Variants in SERPINA5 observed in about 807,000 individuals in gnomAD.
SERPINA5 encodes the protein plasma serine protease inhibitor.
In SERPINA5, 25 loss-of-function variants were observed where a neutral mutation model predicts 25.3. The ratio of observed to expected loss-of-function variants is 0.99; its 90% CI spans 0.72 to 1.38. The LOEUF is 1.38. SERPINA5 is among the 40% of genes most tolerant of loss of function. The pLI, the probability that SERPINA5 is intolerant of heterozygous loss-of-function variation, is 0.00. For missense variants in SERPINA5, 599 were observed against 509.5 expected, an observed-to-expected ratio of 1.18 and a Z score of -1.69; for synonymous variants, 234 against 206.2, an observed-to-expected ratio of 1.14 and a Z score of -1.16.
In SERPINA5 at chr14:94,590,153, C is replaced by T. The variant is rs1489935303; in HGVS notation, c.732C>T (p.Tyr244=). ...PMMSREDQYH[Y]LLDRNLSCRV... ...TGAGCCGCGAGGATCAGTATCACTACCTCCTGGACCGGAACCTCTCCTGCA... is the reference window on the plus strand; with the variant it reads ...TGAGCCGCGAGGATCAGTATCACTATCTCCTGGACCGGAACCTCTCCTGCA... Residue 244 remains tyrosine (Y), a synonymous_variant, in exon 4 of 6, where the codon TAC becomes TAT. Coordinates refer to ENST00000329597, the MANE Select transcript of SERPINA5 (RefSeq NM_000624.6). 6.2e-7 allele frequency: 1 copy of T among 1,614,202 alleles called. No individual in the cohort carries two copies. Among genetic ancestry groups the T allele is most frequent in the Non-Finnish European group, 8.5e-7 (1 of 1,180,028 alleles).
Position 94,592,381 on chromosome 14 carries a change from T to C in SERPINA5, c.*142T>C. On this transcript the variant is annotated 3_prime_UTR_variant, in exon 6 of 6. Coordinates refer to ENST00000329597, the MANE Select transcript of SERPINA5 (RefSeq NM_000624.6). ...CATTACAAATAATATTACTCTATGA[T>C]GATTGCTTCCACCCACACGACTGCA... 2.4e-6 allele frequency: 2 copies of C among 817,790 alleles called. No individual in the cohort carries two copies. Among genetic ancestry groups the C allele is most frequent in the Non-Finnish European group, 3.8e-6 (2 of 526,734 alleles). 50.7% of individuals were successfully genotyped at this position (817,790 alleles called of 1,614,324 possible). A position where few individuals can be genotyped will look rare whatever the true frequency, so the allele number is the denominator to read the frequency against.
chr14:94,586,103 G>C (rs1238364336), intron 2 of SERPINA5, among the ~76,000 whole-genome samples: 5 of 152,160 alleles, frequency 3.3e-5, no homozygotes, highest in Admixed American at 2.6e-4. Context: ...CCCGTAGCCA[G>C]ATGGGGAGGC....
In SERPINA5 at chr14:94,592,244, G is replaced by A. The variant is rs372962798; in HGVS notation, c.*5G>A. ...GGCAAAGTGAACCGCCCCTGAGGTG[G>A]GGCTTCTCCTGAAATCTACAGGCCT... On this transcript the variant is annotated 3_prime_UTR_variant, in exon 6 of 6. Transcript: ENST00000329597. 4 of 1,609,364 alleles carry A rather than the reference G, an allele frequency of 2.5e-6. No individual in the cohort carries two copies. In the African/African-American group the frequency reaches 5.3e-5, roughly 21 times the overall value.
Position 94,585,058 on chromosome 14 carries a change from G to A in SERPINA5, c.-17-2288G>A, listed in dbSNP as rs554528054. ...ACTAAGTCAGGGATTTCAAAATCAG[G>A]AAGATGCAGCCAGGAAAAGAGGAGG... On this transcript the variant is annotated intron_variant, in intron 2 of 5. Transcript: ENST00000329597. Among the ~76,000 whole-genome samples the A allele has an allele frequency of 1.6e-4, 24 of 152,282 alleles. 1 individual carries two copies. Among genetic ancestry groups the A allele is most frequent in the Non-Finnish European group, 7.4e-5 (5 of 68,014 alleles).
At position 94,587,843 on chromosome 14, in the gene SERPINA5, A is replaced by C; in HGVS notation, c.481A>C (p.Asn161His). The C allele has an allele frequency of 6.2e-7, 1 of 1,613,940 alleles. No individual in the cohort carries two copies. ...TLYLADTFPT[N>H]FRDSAGAMKQ... ...GTACCTGGCAGACACTTTCCCTACC[A>C]ACTTTAGGGACTCTGCAGGGGCCAT... The change falls in exon 3 of 6, where the codon AAC (asparagine) becomes CAC (histidine). Residue 161 changes from asparagine (N) to histidine (H), a missense_variant. Transcript: ENST00000329597.
chr14:94,587,710 G>A lies in SERPINA5; in HGVS notation c.348G>A (p.Gln116=). 6.2e-7 allele frequency: 1 copy of A among 1,614,212 alleles called. No homozygotes were observed. Among genetic ancestry groups the A allele is most frequent in the South Asian group, 1.1e-5 (1 of 91,084 alleles). The change falls in exon 3 of 6, where the codon CAG becomes CAA. Residue 116 remains glutamine (Q), a synonymous_variant. Coordinates refer to ENST00000329597, the MANE Select transcript of SERPINA5 (RefSeq NM_000624.6). ...ACAGAGGCTTTCAGCAGCTCCTTCA[G>A]GAACTCAACCAGCCCAGAGATGGCT... The part of the protein sequence containing the change: ...ELHRGFQQLL[Q]ELNQPRDGFQ...
intron 2 of SERPINA5, chr14:94,587,079 A>C: frequency 2.5e-6 from 1 of 402,244 alleles, no homozygotes; most frequent in Non-Finnish European, 4.5e-6. Context: ...GTGGATGGGT[A>C]GACAGGATTC....
intron 2 of SERPINA5, among the ~76,000 whole-genome samples, chr14:94,582,876 G>A (rs1026178156): frequency 6.6e-6 from 1 of 152,226 alleles, no homozygotes; most frequent in South Asian, 2.1e-4. Context: ...AGGGGAAAAG[G>A]TCCAGTGTGA....
chr14:94,587,270 G>T (rs1470343983), intron 2 of SERPINA5, 76 bp from the exon 3 acceptor site: 5 of 1,307,096 alleles, frequency 3.8e-6, no homozygotes, highest in Non-Finnish European at 5.2e-6. Flanking sequence ...ATTGAGTGTT[G>T]GGTGGGGACA....
intron 2 of SERPINA5, 67 bp from the exon 3 acceptor site, chr14:94,587,279 C>T (rs1231596230): frequency 7.2e-7 from 1 of 1,393,268 alleles, no homozygotes; most frequent in Non-Finnish European, 9.7e-7. Context: ...TGGGTGGGGA[C>T]ATCTCTGGAA....
intron 2 of SERPINA5, among the ~76,000 whole-genome samples, chr14:94,585,167 G>A (rs1380332320): frequency 6.6e-6 from 1 of 152,218 alleles, no homozygotes; most frequent in Non-Finnish European, 1.5e-5. Flanking sequence ...GTTAGCAAGC[G>A]ACTCCATCTC....
Position 94,587,899 on chromosome 14 carries a change from A to G in SERPINA5, c.537A>G (p.Gln179=). The part of the protein sequence containing the change: ...MKQINDYVAK[Q]TKGKIVDLLK... ...AGATCAATGATTATGTGGCAAAGCA[A>G]ACGAAGGGCAAGATTGTGGACTTGC... Residue 179 remains glutamine, a synonymous_variant, in exon 3 of 6, where the codon CAA becomes CAG. Coordinates refer to ENST00000329597, the MANE Select transcript of SERPINA5 (RefSeq NM_000624.6). The G allele has an allele frequency of 1.2e-6, 2 of 1,614,248 alleles. No individual in the cohort carries two copies. Among genetic ancestry groups the G allele is most frequent in the Non-Finnish European group, 1.7e-6 (2 of 1,180,054 alleles).
chr14:94,590,029 T>A lies in SERPINA5; in HGVS notation c.620-12T>A, dbSNP rs534075496. On this transcript the variant is annotated splice_polypyrimidine_tract_variant and intron_variant, in intron 3 of 5. Coordinates refer to ENST00000329597, the MANE Select transcript of SERPINA5 (RefSeq NM_000624.6). Reference sequence around the variant, plus strand: ...AAAATTCTTTTTCATTTTTCCCTTTTTTCATCTTTAGCTAAGTGGGAGACA... The same window carrying A: ...AAAATTCTTTTTCATTTTTCCCTTTATTCATCTTTAGCTAAGTGGGAGACA... 1 of 1,556,954 alleles carries A rather than the reference T, an allele frequency of 6.4e-7. No individual in the cohort carries two copies. Among genetic ancestry groups the A allele is most frequent in the South Asian group, 1.2e-5 (1 of 83,952 alleles).
chr14:94,587,770 C>A lies in SERPINA5; in HGVS notation c.408C>A (p.Asp136Glu), dbSNP rs551880570. The A allele has an allele frequency of 6.2e-6, 10 of 1,614,076 alleles. No individual in the cohort carries two copies. The South Asian group carries it at 8.8e-5, about 14-fold the overall frequency. ...GCCTCGGCAATGCCCTTTTCACCGA[C>A]CTGGTGGTAGACCTGCAGGACACCT... ...QLSLGNALFT[D>E]LVVDLQDTFV... The change falls in exon 3 of 6, where the codon GAC (aspartate) becomes GAA (glutamate). Residue 136 changes from aspartate to glutamate, a missense_variant. By Grantham distance (45) the Asp-to-Glu change is conservative. Coordinates refer to ENST00000329597, the MANE Select transcript of SERPINA5 (RefSeq NM_000624.6).
Position 94,590,203 on chromosome 14 carries a change from G to A in SERPINA5, c.782G>A (p.Gly261Asp), listed in dbSNP as rs1357694346. 4.3e-6 allele frequency: 7 copies of A among 1,614,106 alleles called. No individual in the cohort carries two copies. Among genetic ancestry groups the A allele is most frequent in the Non-Finnish European group, 5.1e-6 (6 of 1,179,990 alleles). ...SCRVVGVPYQ[G>D]NATALFILPS... ...AGGGTGGTGGGGGTCCCCTACCAAGGCAATGCCACGGCTTTGTTCATTCTC... is the reference window on the plus strand; with the variant it reads ...AGGGTGGTGGGGGTCCCCTACCAAGACAATGCCACGGCTTTGTTCATTCTC... The change falls in exon 4 of 6, where the codon GGC becomes GAC. Residue 261 changes from glycine to aspartate, a missense_variant. Transcript: ENST00000329597.
chr14:94,585,756 G>A (rs1885055926), intron 2 of SERPINA5, among the ~76,000 whole-genome samples: 1 of 132,642 alleles, frequency 7.5e-6, no homozygotes, highest in South Asian at 2.6e-4. Flanking sequence ...GGTGCTGTCA[G>A]GCTCACACGT....
rs1362153450 is a variant in SERPINA5 at position 94,583,852 on chromosome 14, T to G, written c.-18+2142T>G. On this transcript the variant is annotated intron_variant, in intron 2 of 5. Transcript: ENST00000329597. ...TCAAAGCACTCAGTAGAGGCTGGTC[T>G]GGGGGATGGGAGGCTCCCAGGGCTT... 3.9e-5 allele frequency among the ~76,000 whole-genome samples: 6 copies of G among 152,166 alleles called. No homozygotes were observed. The East Asian group carries it at 1.2e-3, about 29-fold the overall frequency.
Position 94,591,969 on chromosome 14 carries a change from T to A in SERPINA5, c.1039-88T>A, listed in dbSNP as rs1885317291. The stretch of plus-strand genomic sequence containing the variant: ...CTCAGTTGAACAGATACTTAGAGGT[T>A]GATGCCCATAGGCAGAAGCTTTGCC... On this transcript the variant is annotated intron_variant, in intron 5 of 5. Coordinates refer to ENST00000329597, the MANE Select transcript of SERPINA5 (RefSeq NM_000624.6). The A allele has an allele frequency of 2.1e-6, 3 of 1,404,874 alleles. No individual in the cohort carries two copies. The South Asian group carries it at 4.0e-5, about 19-fold the overall frequency. 87.0% of individuals were successfully genotyped at this position (1,404,874 alleles called of 1,614,324 possible).
rs1885134756 is a variant in SERPINA5, at chr14:94,587,568, C to T, written c.206C>T (p.Pro69Leu). 2 of 1,614,094 alleles carry T rather than the reference C, an allele frequency of 1.2e-6. No homozygotes were observed. Among genetic ancestry groups the T allele is most frequent in the Non-Finnish European group, 1.7e-6 (2 of 1,179,952 alleles). The change falls in exon 3 of 6, where the codon CCT (proline) becomes CTT (leucine). Residue 69 changes from proline (P) to leucine (L), a missense_variant. Transcript: ENST00000329597. ...AAPSQSIFFSPVSISMSLAML... is the reference protein window; with the variant it reads ...AAPSQSIFFSLVSISMSLAML... ...CCCAGCCAGAGCATCTTCTTCTCCC[C>T]TGTGAGCATCTCCATGAGCCTGGCC...
Sources: gnomAD v4.1 joint callset for allele counts (sites outside exome capture counted in the v4.1 genomes callset) on GRCh38, gnomAD v4.1.1 for gene constraint, MANE v1.5 for transcripts, NCBI Gene and HGNC (gene_info 2026-07-23, HGNC 2026-07-21) for gene names.